Variants in BSN observed in about 807,000 individuals in gnomAD.
BSN encodes protein bassoon.
Under a neutral mutation model 264.8 loss-of-function variants are expected in BSN, and 57 were observed. The ratio of observed to expected loss-of-function variants is 0.22; its 90% CI spans 0.17 to 0.27. The LOEUF is 0.27. Among genes scored for constraint, BSN ranks in the 10% least tolerant of loss-of-function variants. BSN has a pLI of 1.00. For missense variants in BSN, 4,615 were observed against 5,232.5 expected (o/e 0.88, Z 3.64); for synonymous variants, 2,059 against 2,137.3 (o/e 0.96, Z 1.01).
rs2052119140 is a variant in BSN at position 49,605,561 on chromosome 3, ATATT to A, written c.225-19413_225-19410del. On this transcript the variant is annotated intron_variant, in intron 1 of 11. Coordinates refer to ENST00000296452, the MANE Select transcript of BSN (RefSeq NM_003458.4). ...ATATTATATATATTTTATATAATAT[ATATT>A]ATATATTATATATATTATATATTTA... 7.0e-3 allele frequency among the ~76,000 whole-genome samples: 28 copies of A among 3,992 alleles called. 1 individual carries two copies. The highest frequency in any genetic ancestry group is 0.025 in the African/African-American group (28 of 1,112). The allele number at this position is 3,992 out of a possible 152,430, so 2.6% of individuals were successfully genotyped here.
At chr3:49,598,253 C>T (rs917599763) in intron 1 of BSN, among the ~76,000 whole-genome samples, 3 of 152,166 alleles carry the variant, frequency 2.0e-5, no homozygotes, top group African/African-American at 7.2e-5. Flanking sequence ...TATTGTACAA[C>T]TTGTTATTGA....
intron 3 of BSN, among the ~76,000 whole-genome samples, chr3:49,647,247 C>G (rs2052508516): frequency 6.6e-6 from 1 of 152,258 alleles, no homozygotes; most frequent in Non-Finnish European, 1.5e-5. Flanking sequence ...AAGGCAGCAG[C>G]TCTCACGTGC....
intron 1 of BSN, among the ~76,000 whole-genome samples, chr3:49,586,013 A>G (rs77419396): frequency 0.019 from 2,908 of 152,138 alleles, 106 homozygotes; most frequent in African/African-American, 0.067. Flanking sequence ...CACTTGTCAG[A>G]TGGTTAGTTT....
chr3:49,655,813 G>C lies in BSN; in HGVS notation c.6257G>C (p.Ser2086Thr), dbSNP rs1328118296. 1.2e-6 allele frequency: 2 copies of C among 1,613,282 alleles called. No homozygotes were observed. The highest frequency in any genetic ancestry group is 1.7e-6 in the Non-Finnish European group (2 of 1,180,040). The change falls in exon 5 of 12, where the codon AGC becomes ACC. Residue 2086 changes from serine to threonine, a missense_variant. Around this residue, in one of 3 missense-constraint regions of BSN, gnomAD observed 3,415 missense variants for 3,866.4 expected, o/e 0.88. Transcript: ENST00000296452. The stretch of plus-strand genomic sequence containing the variant: ...GATGCAGTTGGCTTCCAGGAGGCCA[G>C]CCTGGCCCAGTACAGTGCCACCACA... The part of the protein sequence containing the change: ...RGDAVGFQEA[S>T]LAQYSATTAR...
intron 1 of BSN, among the ~76,000 whole-genome samples, chr3:49,580,976 A>T (rs1215556676): frequency 7.2e-6 from 1 of 137,948 alleles, no homozygotes; most frequent in East Asian, 2.0e-4. Context: ...AGCGCCTGTT[A>T]ACTTTTTTTT....
chr3:49,580,864 A>G (rs1156459524), intron 1 of BSN, among the ~76,000 whole-genome samples: 1 of 152,150 alleles, frequency 6.6e-6, no homozygotes, highest in Non-Finnish European at 1.5e-5. Flanking sequence ...CTGTATATTC[A>G]TGATTCATGT....
intron 1 of BSN, among the ~76,000 whole-genome samples, chr3:49,606,628 G>T (rs545784588): frequency 6.6e-6 from 1 of 152,026 alleles, no homozygotes; most frequent in Non-Finnish European, 1.5e-5. Flanking sequence ...ATGCAGTAAA[G>T]CCACACACTT....
intron 2 of BSN, among the ~76,000 whole-genome samples, chr3:49,639,224 A>C (rs1413201206): frequency 1.5e-5 from 2 of 136,818 alleles, no homozygotes; most frequent in African/African-American, 5.5e-5. Flanking sequence ...TTTGAGACAG[A>C]GTCTCGCTCT....
Position 49,638,014 on chromosome 3 carries a change from C to T in BSN, c.634-4254C>T, listed in dbSNP as rs1452711676. On this transcript the variant is annotated intron_variant, in intron 2 of 11. Transcript: ENST00000296452. The surrounding 1 kb of genome is among the most constrained non-coding windows in gnomAD (Gnocchi z 4.3). ...TAGCCCCAGGAAGGCTCCTGAGACACGAGGCTCGTGGCTGGTAGCCTGCAC... is the reference window on the plus strand; with the variant it reads ...TAGCCCCAGGAAGGCTCCTGAGACATGAGGCTCGTGGCTGGTAGCCTGCAC... Among the ~76,000 whole-genome samples the T allele has an allele frequency of 5.9e-5, 9 of 152,212 alleles. No individual in the cohort carries two copies. The highest frequency in any genetic ancestry group is 1.3e-4 in the Admixed American group (2 of 15,288).
In BSN at chr3:49,660,407, C is replaced by A; in HGVS notation, c.8641-79C>A. The A allele has an allele frequency of 6.6e-7, 1 of 1,506,012 alleles. No individual in the cohort carries two copies. The highest frequency in any genetic ancestry group is 8.9e-7 in the Non-Finnish European group (1 of 1,128,620). The allele number at this position is 1,506,012 out of a possible 1,614,324, so 93.3% of individuals were successfully genotyped here. ...AACCCAGCTCCTTCCCCAGCCCAGG[C>A]CTGGGTTCTGCCACCCCACACCCCA... On this transcript the variant is annotated intron_variant, in intron 5 of 11. Transcript: ENST00000296452. This position sits in a 1 kb window ranked among gnomAD's most constrained non-coding sequence, Gnocchi z 7.1.
At chr3:49,618,264 T>A (rs1250887141) in intron 1 of BSN, among the ~76,000 whole-genome samples, 1 of 152,122 alleles carries the variant, frequency 6.6e-6, no homozygotes, top group Non-Finnish European at 1.5e-5. Context: ...CCCAAACTTG[T>A]GATTTTGTGA....
At position 49,643,095 on chromosome 3, in the gene BSN, C is replaced by A. The variant is rs1267071150; in HGVS notation, c.1461C>A (p.Thr487=). ...CAGCCAACTATAACACATGCACCAC[C>A]TGCAGGCTCCAGGTGTGCAACCTGT... ...KSPANYNTCT[T]CRLQVCNLCG... Residue 487 remains threonine, a synonymous_variant, in exon 3 of 12, where the codon ACC becomes ACA. Coordinates refer to ENST00000296452, the MANE Select transcript of BSN (RefSeq NM_003458.4). The A allele has an allele frequency of 6.2e-7, 1 of 1,613,814 alleles. No individual in the cohort carries two copies. The highest frequency in any genetic ancestry group is 1.1e-5 in the South Asian group (1 of 91,080).
At position 49,654,997 on chromosome 3, in the gene BSN, G is replaced by A. The variant is rs2052583732; in HGVS notation, c.5441G>A (p.Arg1814Lys). 1 of 1,613,220 alleles carries A rather than the reference G, an allele frequency of 6.2e-7. No individual in the cohort carries two copies. Among genetic ancestry groups the A allele is most frequent in the Non-Finnish European group, 8.5e-7 (1 of 1,180,010 alleles). The change falls in exon 5 of 12, where the codon AGA becomes AAA. Residue 1814 changes from arginine (R) to lysine (K), a missense_variant. This residue lies in a region of BSN where 3,415 missense variants were observed against 3,866.4 expected (regional missense o/e 0.88). Coordinates refer to ENST00000296452, the MANE Select transcript of BSN (RefSeq NM_003458.4). The surrounding 1 kb of genome is among the most constrained non-coding windows in gnomAD (Gnocchi z 4.1). ...LPNQVAPLAR[R>K]DVLITQMGTA... ...AACCAAGTAGCTCCTCTGGCCAGAA[G>A]AGACGTTTTGATCACTCAGATGGGC...
chr3:49,622,269 G>A (rs2052312463), intron 1 of BSN, among the ~76,000 whole-genome samples: 1 of 152,126 alleles, frequency 6.6e-6, no homozygotes, highest in Non-Finnish European at 1.5e-5. Flanking sequence ...TCAAGGAGAG[G>A]ATATAAGGAA....
At position 49,642,273 on chromosome 3, in the gene BSN, G is replaced by A. The variant is rs1397291628; in HGVS notation, c.639G>A (p.Lys213=). The stretch of plus-strand genomic sequence containing the variant: ...TATTTTGCTTTTCTCCTCAGGTGAA[G>A]GAGTGGCTCTGTCTGAACTGTCAGA... ...FNPNPHLTQV[K]EWLCLNCQMQ... is the part of the protein sequence containing the mutation. The change falls in exon 3 of 12, where the codon AAG becomes AAA. Residue 213 remains lysine (K), a synonymous_variant. Coordinates refer to ENST00000296452, the MANE Select transcript of BSN (RefSeq NM_003458.4). This position sits in a 1 kb window ranked among gnomAD's most constrained non-coding sequence, Gnocchi z 7.0. The A allele has an allele frequency of 1.0e-5, 16 of 1,528,578 alleles. No individual in the cohort carries two copies. The highest frequency in any genetic ancestry group is 1.1e-5 in the Non-Finnish European group (12 of 1,139,274). The allele number at this position is 1,528,578 out of a possible 1,614,324, so 94.7% of individuals were successfully genotyped here.
At position 49,656,026 on chromosome 3, in the gene BSN, G is replaced by A. The variant is rs773770206; in HGVS notation, c.6470G>A (p.Gly2157Asp). The A allele has an allele frequency of 8.7e-6, 14 of 1,601,876 alleles. No homozygotes were observed. The East Asian group carries it at 2.9e-4, about 33-fold the overall frequency. ...CTTGGTAACCCCACCTTTCCAGAGGGCCACCCAAGTCCTGGGAACTTGGCC... is the reference window on the plus strand; with the variant it reads ...CTTGGTAACCCCACCTTTCCAGAGGACCACCCAAGTCCTGGGAACTTGGCC... Reference protein sequence around the residue: ...GLLGNPTFPEGHPSPGNLAQY... With the variant: ...GLLGNPTFPEDHPSPGNLAQY... Residue 2157 changes from glycine (G) to aspartate (D), a missense_variant, in exon 5 of 12, where the codon GGC becomes GAC. This residue lies in a region of BSN where 3,415 missense variants were observed against 3,866.4 expected (regional missense o/e 0.88). Coordinates refer to ENST00000296452, the MANE Select transcript of BSN (RefSeq NM_003458.4).
chr3:49,565,123 T>G (rs1023541900), intron 1 of BSN, among the ~76,000 whole-genome samples: 2 of 151,490 alleles, frequency 1.3e-5, no homozygotes, highest in African/African-American at 4.8e-5. Context: ...TCCACTTTTT[T>G]TTTTTGGACT....
rs1261558446 is a variant in BSN, at chr3:49,657,735, C to A, written c.8179C>A (p.Gln2727Lys). Reference protein sequence around the residue: ...ACQTEPDGQAQGVAGPQLVGP... With the variant: ...ACQTEPDGQAKGVAGPQLVGP... ...CCAGACGGAGCCAGATGGGCAGGCC[C>A]AGGGTGTAGCCGGGCCGCAGCTTGT... is the stretch of plus-strand genomic sequence containing the variant. The change falls in exon 5 of 12, where the codon CAG (glutamine) becomes AAG (lysine). Residue 2727 changes from glutamine (Q) to lysine (K), a missense_variant. Transcript: ENST00000296452. The A allele has an allele frequency of 1.3e-6, 2 of 1,550,878 alleles. No homozygotes were observed. Among genetic ancestry groups the A allele is most frequent in the Non-Finnish European group, 1.7e-6 (2 of 1,146,542 alleles).
chr3:49,637,456 C>A (rs1463638330), intron 2 of BSN, among the ~76,000 whole-genome samples: 1 of 152,192 alleles, frequency 6.6e-6, no homozygotes, highest in African/African-American at 2.4e-5. Context: ...AAGCTCTTCC[C>A]AGAACTGCCC....
Sources: gnomAD v4.1 joint callset for allele counts (sites outside exome capture counted in the v4.1 genomes callset) on GRCh38, gnomAD v4.1.1 for gene constraint, gnomAD v4.1.1 regional missense constraint, Gnocchi (gnomAD v3.1) non-coding constraint, MANE v1.5 for transcripts, NCBI Gene and HGNC (gene_info 2026-07-23, HGNC 2026-07-21) for gene names.